Variants in SMCO4 observed in about 807,000 individuals in gnomAD.
SMCO4 encodes single-pass membrane protein with coiled-coil domains 4.
SMCO4 carries 4 observed loss-of-function variants against 3.6 expected under a neutral mutation model. The observed-to-expected ratio is 1.11, with a 90% confidence interval of 0.54 to 2.53. The LOEUF is 2.53. Among genes scored for constraint, SMCO4 ranks in the 30% most tolerant of loss-of-function variants. SMCO4 has a pLI of 0.02. For synonymous variants in SMCO4, 36 were observed against 35.3 expected (o/e 1.02, Z -0.07); for missense variants, 70 against 80.8 (o/e 0.87, Z 0.51).
chr11:93,547,043 A>G (rs1001103715), upstream of SMCO4, among the ~76,000 whole-genome samples: 2 of 152,348 alleles, frequency 1.3e-5, no homozygotes, highest in African/African-American at 2.4e-5. Flanking sequence ...TTGGGAAATA[A>G]TGTAAACAAA....
intron 2 of SMCO4, chr11:93,481,464 G>A: frequency 2.0e-6 from 2 of 985,438 alleles, no homozygotes; most frequent in Admixed American, 6.1e-5. Flanking sequence ...GGAGTAGGAA[G>A]CTGTATAACT....
intron 1 of SMCO4, among the ~76,000 whole-genome samples, chr11:93,516,002 G>C (rs1949004803): frequency 6.6e-6 from 1 of 152,174 alleles, no homozygotes; most frequent in Non-Finnish European, 1.5e-5. Context: ...TTCTACACAG[G>C]AGGCTGCTTC....
the SMCO4 span, among the ~76,000 whole-genome samples, chr11:93,551,096 A>C: frequency 6.6e-6 from 1 of 152,224 alleles, no homozygotes; most frequent in African/African-American, 2.4e-5. Flanking sequence ...AGTTGTGTGA[A>C]TATAAAAGCA....
chr11:93,505,918 T>C (rs925353008), intron 1 of SMCO4, among the ~76,000 whole-genome samples: 4 of 151,984 alleles, frequency 2.6e-5, no homozygotes, highest in African/African-American at 9.7e-5. Context: ...ATTTAGCAAG[T>C]GATTAGCTGT....
At chr11:93,517,955 GCATATAA>G (rs763743710) in intron 1 of SMCO4, among the ~76,000 whole-genome samples, 12 of 152,220 alleles carry the variant, frequency 7.9e-5, no homozygotes, top group Non-Finnish European at 1.6e-4. Flanking sequence ...GAAATGAAAT[GCATATAA>G]CATATATCAG....
chr11:93,534,493 T>A (rs1358608847), intron 1 of SMCO4, among the ~76,000 whole-genome samples: 1 of 152,066 alleles, frequency 6.6e-6, no homozygotes, highest in Non-Finnish European at 1.5e-5. Context: ...ATAAACATTA[T>A]TCTTTTAATC....
chr11:93,479,854 C>A (rs1170292008), intron 2 of SMCO4, among the ~76,000 whole-genome samples: 1 of 152,120 alleles, frequency 6.6e-6, no homozygotes, highest in Non-Finnish European at 1.5e-5. Flanking sequence ...ACTCAAGGAG[C>A]TGAGGATAGA....
At chr11:93,480,509 AG>A (rs144711964) in intron 2 of SMCO4, among the ~76,000 whole-genome samples, 1,699 of 152,332 alleles carry the variant, frequency 0.011, 25 homozygotes, top group African/African-American at 0.039. Context: ...CAGCAGGAAG[AG>A]TACTTTTCAA....
intron 2 of SMCO4, among the ~76,000 whole-genome samples, chr11:93,487,499 T>C (rs1386441894): frequency 6.6e-6 from 1 of 152,094 alleles, no homozygotes; most frequent in Non-Finnish European, 1.5e-5. Context: ...CACACACTTC[T>C]CATACCAAGG....
At chr11:93,552,676 C>T in the SMCO4 span, among the ~76,000 whole-genome samples, 7 of 148,558 alleles carry the variant, frequency 4.7e-5, no homozygotes, top group South Asian at 2.2e-4. Flanking sequence ...TTCACCATGT[C>T]GTTTAGGCTG....
chr11:93,507,529 G>A (rs979411517), intron 1 of SMCO4, among the ~76,000 whole-genome samples: 4 of 152,264 alleles, frequency 2.6e-5, no homozygotes, highest in Middle Eastern at 3.4e-3. Flanking sequence ...TTTTCTAAAC[G>A]GTGGTATTAA....
At chr11:93,527,304 C>A (rs1949118228) in intron 1 of SMCO4, among the ~76,000 whole-genome samples, 1 of 152,148 alleles carries the variant, frequency 6.6e-6, no homozygotes, top group Non-Finnish European at 1.5e-5. Flanking sequence ...GGGTTCAAAT[C>A]CTGCCTCTGA....
At chr11:93,517,515 G>T (rs541543261) in intron 1 of SMCO4, among the ~76,000 whole-genome samples, 28 of 152,208 alleles carry the variant, frequency 1.8e-4, no homozygotes, top group African/African-American at 6.7e-4. Flanking sequence ...CTTCTCAAAG[G>T]TCTAACCCAA....
chr11:93,501,744 T>TG (rs1454886072), intron 1 of SMCO4, among the ~76,000 whole-genome samples: 1 of 152,270 alleles, frequency 6.6e-6, no homozygotes, highest in Admixed American at 6.5e-5. Context: ...AGCACATCTT[T>TG]GGGGCCACCA....
chr11:93,514,453 G>C, intron 1 of SMCO4, among the ~76,000 whole-genome samples: 1 of 134,758 alleles, frequency 7.4e-6, no homozygotes, highest in Admixed American at 8.1e-5. Context: ...ATCACCCTAA[G>C]TGTGTAATTC....
rs538502227 is a variant in SMCO4 at position 93,538,450 on chromosome 11, A to C, written c.-154+4826T>G. Among the ~76,000 whole-genome samples, 6 of 152,190 alleles carry C rather than the reference A, an allele frequency of 3.9e-5. No individual in the cohort carries two copies. In the East Asian group the frequency reaches 1.2e-3, roughly 29 times the overall value. On this transcript the variant is annotated intron_variant, in intron 1 of 2. Coordinates refer to ENST00000298966, the MANE Select transcript of SMCO4 (RefSeq NM_020179.3). ...CCCAGGAAGGCGTCTTCCCTTCCAC[A>C]CTTCTAACCTTGACTAGCATTTCCC... is the stretch of plus-strand genomic sequence containing the variant.
In SMCO4 at chr11:93,506,051, G is replaced by A. The variant is rs145568438; in HGVS notation, c.-153-6703C>T. The stretch of plus-strand genomic sequence containing the variant: ...AACCAGAAATGCTGAATATACACAC[G>A]TGTGCATTTATACACACATACACAC... On this transcript the variant is annotated intron_variant, in intron 1 of 2. Coordinates refer to ENST00000298966, the MANE Select transcript of SMCO4 (RefSeq NM_020179.3). 5.7e-4 allele frequency among the ~76,000 whole-genome samples: 86 copies of A among 152,034 alleles called. 1 individual carries two copies. The highest frequency in any genetic ancestry group is 1.9e-3 in the African/African-American group (80 of 41,454).
In SMCO4 at chr11:93,480,306, G is replaced by A. The variant is rs550903585; in HGVS notation, c.-80-1037C>T. Among the ~76,000 whole-genome samples, 7 of 152,180 alleles carry A rather than the reference G, an allele frequency of 4.6e-5. No individual in the cohort carries two copies. The East Asian group carries it at 1.4e-3, about 29-fold the overall frequency. ...GGATGCCAGAGCCTGCATCACCACC[G>A]TCAGCACTGGACATGGGCACTGGAG... On this transcript the variant is annotated intron_variant, in intron 2 of 2. Transcript: ENST00000298966.
At chr11:93,549,155 A>T in the SMCO4 span, among the ~76,000 whole-genome samples, 1 of 152,172 alleles carries the variant, frequency 6.6e-6, no homozygotes, top group Middle Eastern at 3.2e-3. Flanking sequence ...ATGTGTGTGT[A>T]CTTATGGCAG....
Sources: allele counts gnomAD v4.1 joint callset (sites outside exome capture counted in the v4.1 genomes callset), GRCh38; gene constraint gnomAD v4.1.1; transcripts MANE v1.5; gene names NCBI Gene and HGNC (gene_info 2026-07-23, HGNC 2026-07-21).